Variants in ZNF423 observed in about 807,000 individuals in gnomAD.
ZNF423 encodes Ebf-associated zinc finger protein.
ZNF423 carries 12 observed loss-of-function variants against 95.8 expected under a neutral mutation model. That is an observed-to-expected ratio of 0.13 (90% CI 0.08 to 0.20). The LOEUF is 0.20. ZNF423 is among the 10% of genes least tolerant of loss of function. ZNF423 has a pLI of 1.00. For synonymous variants in ZNF423, 749 were observed against 711.9 expected, an observed-to-expected ratio of 1.05 and a Z score of -0.83; for missense variants, 1,316 against 1,737.1, an observed-to-expected ratio of 0.76 and a Z score of 4.31.
At chr16:49,700,597 AG>A (rs35825423) in intron 3 of ZNF423, among the ~76,000 whole-genome samples, 1 of 152,230 alleles carries the variant, frequency 6.6e-6, no homozygotes, top group Admixed American at 6.5e-5. Context: ...CTCACAGCCC[AG>A]GGAGGGGAAG....
rs182435987 is a variant in ZNF423, at chr16:49,602,508, G to A, written c.3601+23662C>T. 2.0e-4 allele frequency among the ~76,000 whole-genome samples: 31 copies of A among 152,148 alleles called. No homozygotes were observed. The East Asian group carries it at 4.6e-3, about 23-fold the overall frequency. The stretch of plus-strand genomic sequence containing the variant: ...GACCAGGGCACACTCAGCGAGTTTC[G>A]GGTGGGGGGCAGTTTCAGCAGATTC... On this transcript the variant is annotated intron_variant, in intron 5 of 7. Coordinates refer to ENST00000563137, the MANE Select transcript of ZNF423 (RefSeq NM_001379286.1).
intron 7 of ZNF423, among the ~76,000 whole-genome samples, chr16:49,499,773 A>G (rs1967318865): frequency 6.6e-6 from 1 of 152,296 alleles, no homozygotes. Flanking sequence ...TGTGGGGAAG[A>G]AAAAAGCCCA....
chr16:49,552,914 GA>G (rs1263316880), intron 5 of ZNF423, among the ~76,000 whole-genome samples: 1 of 151,968 alleles, frequency 6.6e-6, no homozygotes, highest in Non-Finnish European at 1.5e-5. Flanking sequence ...ACCCCACCTG[GA>G]CCCGCTCTAC....
At chr16:49,499,405 A>C (rs962730984) in intron 7 of ZNF423, among the ~76,000 whole-genome samples, 11 of 152,228 alleles carry the variant, frequency 7.2e-5, no homozygotes, top group Non-Finnish European at 5.9e-5. Context: ...CCCGGCCTAG[A>C]GGGAGATTCC....
chr16:49,803,483 TA>T (rs1347253899), intron 1 of ZNF423, among the ~76,000 whole-genome samples: 1 of 152,106 alleles, frequency 6.6e-6, no homozygotes, highest in Admixed American at 6.5e-5. Flanking sequence ...ACAAAGAGTG[TA>T]CCCATTTTTA....
chr16:49,841,034 C>A (rs576387241), intron 1 of ZNF423, among the ~76,000 whole-genome samples: 1 of 152,344 alleles, frequency 6.6e-6, no homozygotes, highest in African/African-American at 2.4e-5. Flanking sequence ...AAATGACAGG[C>A]TAAAGCCTGA....
chr16:49,657,813 CACTG>C (rs2029966674), intron 3 of ZNF423, among the ~76,000 whole-genome samples: 1 of 152,216 alleles, frequency 6.6e-6, no homozygotes, highest in Non-Finnish European at 1.5e-5. Flanking sequence ...CTCCCTGCAA[CACTG>C]ACTAAGGTAC....
At chr16:49,633,706 A>T (rs1429025869) in intron 4 of ZNF423, among the ~76,000 whole-genome samples, 2 of 152,088 alleles carry the variant, frequency 1.3e-5, no homozygotes, top group Non-Finnish European at 2.9e-5. Flanking sequence ...AGAGCGGGGC[A>T]GCAGAAACCA....
In ZNF423 at chr16:49,505,444, T is replaced by C. The variant is rs369645573; in HGVS notation, c.3850-14140A>G. On this transcript the variant is annotated intron_variant, in intron 7 of 7. Transcript: ENST00000563137. ...AAATTAAGTCCTACAGACTAAGAAC[T>C]GTTCTGGCGGATATTCTGAGGGGGC... Among the ~76,000 whole-genome samples, 28 of 152,330 alleles carry C rather than the reference T, an allele frequency of 1.8e-4. No homozygotes were observed. The East Asian group carries it at 2.9e-3, about 16-fold the overall frequency.
At chr16:49,765,800 G>C (rs1450810886) in intron 2 of ZNF423, among the ~76,000 whole-genome samples, 1 of 152,176 alleles carries the variant, frequency 6.6e-6, no homozygotes, top group African/African-American at 2.4e-5. Context: ...AGGACATTAT[G>C]CTAAGGGAAA....
intron 7 of ZNF423, among the ~76,000 whole-genome samples, chr16:49,497,542 C>T (rs1967212023): frequency 6.6e-6 from 1 of 152,210 alleles, no homozygotes; most frequent in South Asian, 2.1e-4. Context: ...GCATCCCACC[C>T]TGCTCTCCCG....
chr16:49,591,311 C>T (rs868416496), intron 5 of ZNF423, among the ~76,000 whole-genome samples: 1 of 151,540 alleles, frequency 6.6e-6, no homozygotes, highest in Non-Finnish European at 1.5e-5. Context: ...ATAAGTCCAC[C>T]ACAAACTAAA....
chr16:49,744,555 G>C, intron 2 of ZNF423, among the ~76,000 whole-genome samples: 1 of 152,208 alleles, frequency 6.6e-6, no homozygotes, highest in Non-Finnish European at 1.5e-5. Context: ...CCCAGCTCGG[G>C]GTTGGGGTGT....
chr16:49,811,092 A>G (rs1365642430), intron 1 of ZNF423, among the ~76,000 whole-genome samples: 1 of 152,226 alleles, frequency 6.6e-6, no homozygotes, highest in Non-Finnish European at 1.5e-5. Context: ...GAGAAGACAG[A>G]CTGCGCTGGC....
intron 7 of ZNF423, among the ~76,000 whole-genome samples, chr16:49,523,021 G>A (rs910380521): frequency 1.3e-5 from 2 of 152,142 alleles, no homozygotes; most frequent in African/African-American, 2.4e-5. Flanking sequence ...TGGGAAGACC[G>A]TCACACCAGC....
intron 1 of ZNF423, among the ~76,000 whole-genome samples, chr16:49,846,540 G>A (rs1007668523): frequency 7.2e-5 from 11 of 152,276 alleles, no homozygotes; most frequent in African/African-American, 1.2e-4. Context: ...GCTGGCCAGC[G>A]TCTCCCTAAG....
At chr16:49,606,139 A>G (rs1290750366) in intron 5 of ZNF423, among the ~76,000 whole-genome samples, 1 of 152,230 alleles carries the variant, frequency 6.6e-6, no homozygotes, top group Admixed American at 6.5e-5. Context: ...ACAGAGTGAA[A>G]GCTGCAGAAG....
intron 3 of ZNF423, among the ~76,000 whole-genome samples, chr16:49,663,618 C>A (rs1390374276): frequency 6.6e-6 from 1 of 152,190 alleles, no homozygotes; most frequent in Non-Finnish European, 1.5e-5. Context: ...AGACATGAGG[C>A]TTCAGGAGGG....
chr16:49,615,588 G>A (rs1334463231), intron 5 of ZNF423, among the ~76,000 whole-genome samples: 2 of 152,174 alleles, frequency 1.3e-5, no homozygotes, highest in African/African-American at 4.8e-5. Context: ...CACAAGCTGG[G>A]AGGCCTGAAG....
Sources: allele counts gnomAD v4.1 joint callset (sites outside exome capture counted in the v4.1 genomes callset), GRCh38; gene constraint gnomAD v4.1.1; transcripts MANE v1.5; gene names NCBI Gene and HGNC (gene_info 2026-07-23, HGNC 2026-07-21).